The following ASB10 variants were observed in gnomAD, a reference collection of about 807,000 sequenced individuals.
ASB10 encodes the protein ankyrin repeat and SOCS box containing 10, also known as ankyrin repeat and SOCS box protein 10.
In ASB10, 44 loss-of-function variants were observed where a neutral mutation model predicts 35.4. The ratio of observed to expected loss-of-function variants is 1.24; its 90% CI spans 0.98 to 1.60. The LOEUF (loss-of-function observed/expected upper bound fraction) is 1.60, where lower values mean the gene tolerates loss of function less well. Ranked by LOEUF, ASB10 falls within the 40% of genes most tolerant of loss-of-function variation. The pLI is 0.00. For synonymous variants in ASB10, 294 were observed against 280.4 expected, an observed-to-expected ratio of 1.05 and a Z score of -0.49; for missense variants, 647 against 634.3, an observed-to-expected ratio of 1.02 and a Z score of -0.22.
intron 2 of ASB10, among the ~76,000 whole-genome samples, chr7:151,182,795 CA>C (rs1378880790): frequency 2.0e-5 from 3 of 152,110 alleles, no homozygotes; most frequent in Non-Finnish European, 2.9e-5. Context: ...AGACGACCCC[CA>C]AAAACCTGTC....
chr7:151,180,481 T>G (rs1038440732), intron 3 of ASB10, among the ~76,000 whole-genome samples: 1 of 152,126 alleles, frequency 6.6e-6, no homozygotes, highest in African/African-American at 2.4e-5. Flanking sequence ...CTCTCCTGCA[T>G]CTGTCACTGA....
Position 151,181,374 on chromosome 7 carries a change from G to C in ASB10, c.669C>G (p.Ala223=). 1.9e-6 allele frequency: 3 copies of C among 1,613,000 alleles called. No individual in the cohort carries two copies. The highest frequency in any genetic ancestry group is 2.5e-6 in the Non-Finnish European group (3 of 1,179,890). Residue 223 remains alanine, a synonymous_variant, in exon 3 of 6, where the codon GCC becomes GCG. Coordinates refer to ENST00000420175, the MANE Select transcript of ASB10 (RefSeq NM_001142459.2). ...CTGCCAGCTCCACATGGCCAAGCCG[G>C]GCGGCCACATGCAAAGGGGTCTCCT... The part of the protein sequence containing the change: ...EEEETPLHVA[A]RLGHVELADL...
chr7:151,185,072 TA>T (rs1217675748), intron 2 of ASB10, among the ~76,000 whole-genome samples: 1 of 151,646 alleles, frequency 6.6e-6, no homozygotes, highest in East Asian at 1.9e-4. Flanking sequence ...ATTTCATGTA[TA>T]TTTTACCACC....
rs1801482887 is a variant in ASB10, at chr7:151,181,210, C to T, written c.833G>A (p.Ser278Asn). 3 of 1,612,728 alleles carry T rather than the reference C, an allele frequency of 1.9e-6. No individual in the cohort carries two copies. The highest frequency in any genetic ancestry group is 1.7e-6 in the Non-Finnish European group (2 of 1,179,744). The change falls in exon 3 of 6, where the codon AGC becomes AAC. Residue 278 changes from serine (S) to asparagine (N), a missense_variant. Coordinates refer to ENST00000420175, the MANE Select transcript of ASB10 (RefSeq NM_001142459.2). ...GTCTGCTCCAGCTGAAAGCAGCAAGCTGCACAGCTGCAGGCAGCGGGCGGT... is the reference window on the plus strand; with the variant it reads ...GTCTGCTCCAGCTGAAAGCAGCAAGTTGCACAGCTGCAGGCAGCGGGCGGT... ...ATTARCLQLCSLLLSAGADAD... is the reference protein window; with the variant it reads ...ATTARCLQLCNLLLSAGADAD...
chr7:151,176,748 T>G, intron 3 of ASB10, 72 bp from the exon 4 acceptor site: 4 of 1,119,796 alleles, frequency 3.6e-6, no homozygotes, highest in Non-Finnish European at 2.6e-6. Flanking sequence ...GAATAGTTGT[T>G]GTGGGTTGAA....
chr7:151,177,637 A>C (rs1486876173), intron 3 of ASB10, among the ~76,000 whole-genome samples: 1 of 152,080 alleles, frequency 6.6e-6, no homozygotes, highest in Non-Finnish European at 1.5e-5. Context: ...TCACAGAGGG[A>C]GGACTGGGCT....
intron 2 of ASB10, among the ~76,000 whole-genome samples, chr7:151,186,048 T>C: frequency 6.6e-6 from 1 of 152,154 alleles, no homozygotes; most frequent in East Asian, 1.9e-4. Flanking sequence ...CTTAGCACAG[T>C]GCCTGGAACA....
upstream of ASB10, chr7:151,187,704 A>T: frequency 6.8e-7 from 1 of 1,474,478 alleles, no homozygotes; most frequent in African/African-American, 1.4e-5. This position sits in a 1 kb window ranked among gnomAD's most constrained non-coding sequence, Gnocchi z 5.3. Context: ...TGGGGAGAGG[A>T]GTTCTTTCCC....
intron 3 of ASB10, among the ~76,000 whole-genome samples, chr7:151,177,650 G>A (rs759221510): frequency 1.3e-5 from 2 of 152,218 alleles, no homozygotes; most frequent in African/African-American, 2.4e-5. Context: ...ACTGGGCTCT[G>A]GAGGCAAGGG....
In ASB10 at chr7:151,186,387, C is replaced by A; in HGVS notation, c.584+5G>T. Reference sequence around the variant, plus strand: ...AACTGGGGGTTGGGGTGAGGGGTCACTCACTCAAGGGTGCCAGGCCCCCGG... The same window carrying A: ...AACTGGGGGTTGGGGTGAGGGGTCAATCACTCAAGGGTGCCAGGCCCCCGG... On this transcript the variant is annotated splice_donor_5th_base_variant and intron_variant, in intron 2 of 5. Coordinates refer to ENST00000420175, the MANE Select transcript of ASB10 (RefSeq NM_001142459.2). 1 of 1,579,822 alleles carries A rather than the reference C, an allele frequency of 6.3e-7. No individual in the cohort carries two copies. Among genetic ancestry groups the A allele is most frequent in the South Asian group, 1.2e-5 (1 of 86,330 alleles).
In ASB10 at chr7:151,181,336, C is replaced by T. The variant is rs1389695974; in HGVS notation, c.707G>A (p.Arg236Lys). 3.1e-6 allele frequency: 5 copies of T among 1,613,226 alleles called. No homozygotes were observed. In the South Asian group the frequency reaches 5.5e-5, roughly 18 times the overall value. ...GCGGGCATCAGGACATGCCCCCCGT[C>T]TTAGAAGCAGATCTGCCAGCTCCAC... is the stretch of plus-strand genomic sequence containing the variant. ...GHVELADLLLRRGACPDARNA... is the reference protein window; with the variant it reads ...GHVELADLLLKRGACPDARNA... The change falls in exon 3 of 6, where the codon AGA (arginine) becomes AAA (lysine). Residue 236 changes from arginine (R) to lysine (K), a missense_variant. Transcript: ENST00000420175.
chr7:151,184,330 G>A (rs1199577425), intron 2 of ASB10, among the ~76,000 whole-genome samples: 4 of 151,856 alleles, frequency 2.6e-5, no homozygotes, highest in African/African-American at 4.8e-5. Context: ...GGAGAATGGC[G>A]TGAACCCGGG....
In ASB10 at chr7:151,186,896, T is replaced by C. The variant is rs1230073659; in HGVS notation, c.235A>G (p.Thr79Ala). 4.3e-6 allele frequency: 7 copies of C among 1,613,866 alleles called. No homozygotes were observed. The highest frequency in any genetic ancestry group is 1.7e-5 in the Admixed American group (1 of 59,996). The change falls in exon 1 of 6, where the codon ACT becomes GCT. Residue 79 changes from threonine to alanine, a missense_variant. Physicochemically the swap from Thr to Ala is moderately conservative, Grantham distance 58. Coordinates refer to ENST00000420175, the MANE Select transcript of ASB10 (RefSeq NM_001142459.2). ...CVSRILADSS[T>A]GLAPDSVFDT... is the part of the protein sequence containing the mutation. ...AAGACGGAATCAGGAGCCAGGCCAG[T>C]ACTGGAGTCCGCGAGGATGCGGGAG...
At position 151,187,113 on chromosome 7, in the gene ASB10, A is replaced by T. The variant is rs1266758613; in HGVS notation, c.18T>A (p.Ser6=). The T allele has an allele frequency of 3.8e-6, 6 of 1,592,590 alleles. No homozygotes were observed. Among genetic ancestry groups the T allele is most frequent in the Non-Finnish European group, 5.1e-6 (6 of 1,169,728 alleles). Residue 6 remains serine (S), a synonymous_variant, in exon 1 of 6, where the codon TCT becomes TCA. Transcript: ENST00000420175. This position sits in a 1 kb window ranked among gnomAD's most constrained non-coding sequence, Gnocchi z 5.3. Reference sequence around the variant, plus strand: ...CTCCCTGCCCCTTGCACTCTTCTGGAGACCAACTCATGAGCATGTGGGCAG... The same window carrying T: ...CTCCCTGCCCCTTGCACTCTTCTGGTGACCAACTCATGAGCATGTGGGCAG... MLMSW[S]PEECKGQGEP...
At chr7:151,182,825 G>A (rs1476211687) in intron 2 of ASB10, among the ~76,000 whole-genome samples, 1 of 152,198 alleles carries the variant, frequency 6.6e-6, no homozygotes, top group African/African-American at 2.4e-5. Flanking sequence ...GGCTCAAAAT[G>A]ACGACACTTG....
rs2150557199 is a variant in ASB10, at chr7:151,180,979, T to G, written c.1064A>C (p.Asn355Thr). ...TGGCCAGACACGGACGGCGCCATGG[T>G]TGAGCAGAGCCCGAACCACGTGCTC... The part of the protein sequence containing the change: ...SPEHVVRALL[N>T]HGAVRVWPGA... The change falls in exon 3 of 6, where the codon AAC becomes ACC. Residue 355 changes from asparagine to threonine, a missense_variant. Transcript: ENST00000420175. 1 of 1,586,138 alleles carries G rather than the reference T, an allele frequency of 6.3e-7. No homozygotes were observed. Among genetic ancestry groups the G allele is most frequent in the East Asian group, 2.3e-5 (1 of 44,234 alleles).
chr7:151,176,579 G>A lies in ASB10; in HGVS notation c.1202C>T (p.Thr401Ile), dbSNP rs1435428409. The A allele has an allele frequency of 1.5e-5, 24 of 1,551,078 alleles. No individual in the cohort carries two copies. The change falls in exon 4 of 6, where the codon ACT becomes ATT. Residue 401 changes from threonine (T) to isoleucine (I), a missense_variant. Physicochemically the swap from Thr to Ile is moderately conservative, Grantham distance 89. Transcript: ENST00000420175. Reference sequence around the variant, plus strand: ...GAATCTGACCTGCAGAGTTTCAGGAGTCACCAGGCCGACGGCCTCCTCGGG... The same window carrying A: ...GAATCTGACCTGCAGAGTTTCAGGAATCACCAGGCCGACGGCCTCCTCGGG... Reference protein sequence around the residue: ...QLPEEAVGLVTPETLQKHQRF... With the variant: ...QLPEEAVGLVIPETLQKHQRF...
intron 3 of ASB10, among the ~76,000 whole-genome samples, chr7:151,179,320 T>C (rs1164349693): frequency 6.6e-6 from 1 of 152,232 alleles, no homozygotes; most frequent in African/African-American, 2.4e-5. Flanking sequence ...CCTACACTCC[T>C]AGTCACCACT....
chr7:151,182,479 G>A (rs1036427852), intron 2 of ASB10, among the ~76,000 whole-genome samples: 1 of 152,202 alleles, frequency 6.6e-6, no homozygotes, highest in African/African-American at 2.4e-5. Flanking sequence ...TTGGGAGGCT[G>A]AGGCAGGAGA....
Sources: gnomAD v4.1 joint callset for allele counts (sites outside exome capture counted in the v4.1 genomes callset) on GRCh38, gnomAD v4.1.1 for gene constraint, Gnocchi (gnomAD v3.1) non-coding constraint, MANE v1.5 for transcripts, NCBI Gene and HGNC (gene_info 2026-07-23, HGNC 2026-07-21) for gene names.